QSER1: variants seen among roughly 807,000 people sequenced by gnomAD.
QSER1 encodes the protein glutamine and serine-rich protein 1.
Under a neutral mutation model 158.5 loss-of-function variants are expected in QSER1, and 49 were observed. The ratio of observed to expected loss-of-function variants is 0.31; its 90% CI spans 0.25 to 0.39. The LOEUF (loss-of-function observed/expected upper bound fraction) is 0.39. Among genes scored for constraint, QSER1 ranks in the 10% least tolerant of loss-of-function variants. The pLI is 1.00. For missense variants in QSER1, 1,754 were observed against 2,010.3 expected, an observed-to-expected ratio of 0.87 and a Z score of 2.44; for synonymous variants, 650 against 715.5, an observed-to-expected ratio of 0.91 and a Z score of 1.46.
intron 1 of QSER1, among the ~76,000 whole-genome samples, chr11:32,916,449 A>G (rs958999623): frequency 3.9e-5 from 6 of 152,158 alleles, no homozygotes; most frequent in African/African-American, 1.4e-4. Flanking sequence ...GACATTTCAT[A>G]TATAGCCATG....
At chr11:32,969,517 T>C (rs1336710319) in intron 10 of QSER1, among the ~76,000 whole-genome samples, 4 of 152,134 alleles carry the variant, frequency 2.6e-5, no homozygotes, top group African/African-American at 4.8e-5. Context: ...CTGATTTTTA[T>C]AAGGGTAGGA....
rs1370042067 is a variant in QSER1, at chr11:32,941,232, TA to T, written c.4177+5798del. On this transcript the variant is annotated intron_variant, in intron 4 of 12. Coordinates refer to ENST00000650167, the MANE Select transcript of QSER1 (RefSeq NM_001076786.3). The stretch of plus-strand genomic sequence containing the variant: ...TTGTTTTTATTATTATTATTATTAT[TA>T]TTATTTTTAATTATTATACTTTAAG... Among the ~76,000 whole-genome samples the T allele has an allele frequency of 4.2e-4, 63 of 150,206 alleles. 1 individual carries two copies. Among genetic ancestry groups the T allele is most frequent in the South Asian group, 6.3e-4 (3 of 4,796 alleles).
chr11:32,938,030 T>G (rs1852178481), intron 4 of QSER1, among the ~76,000 whole-genome samples: 1 of 152,260 alleles, frequency 6.6e-6, no homozygotes, highest in African/African-American at 2.4e-5. Flanking sequence ...TTTAATGTGT[T>G]CATTTACATT....
At chr11:32,898,805 C>T (rs775625629) in intron 1 of QSER1, among the ~76,000 whole-genome samples, 7 of 152,186 alleles carry the variant, frequency 4.6e-5, no homozygotes, top group Non-Finnish European at 5.9e-5. Flanking sequence ...AACTCTTGGC[C>T]TCAAGCAGTC....
intron 1 of QSER1, among the ~76,000 whole-genome samples, chr11:32,910,924 T>C: frequency 6.6e-6 from 1 of 152,216 alleles, no homozygotes; most frequent in East Asian, 1.9e-4. Context: ...CCACAGAACT[T>C]TGTAGCGCGA....
chr11:32,920,381 G>C (rs1183105760), intron 1 of QSER1, among the ~76,000 whole-genome samples: 1 of 152,068 alleles, frequency 6.6e-6, no homozygotes, highest in Non-Finnish European at 1.5e-5. Context: ...AATTTGAAAT[G>C]GATCTGTCAT....
At chr11:32,913,179 CTTTTT>C (rs61685246) in intron 1 of QSER1, among the ~76,000 whole-genome samples, 8 of 54,346 alleles carry the variant, frequency 1.5e-4, no homozygotes, top group African/African-American at 3.8e-4. Context: ...TCTCCTCTTC[CTTTTT>C]TTTTTTTTTT....
chr11:32,900,417 G>C (rs556322270), intron 1 of QSER1, among the ~76,000 whole-genome samples: 55 of 152,146 alleles, frequency 3.6e-4, no homozygotes, highest in Non-Finnish European at 6.2e-4. Context: ...AAATCAGCTG[G>C]GCATGGTGGC....
intron 4 of QSER1, among the ~76,000 whole-genome samples, chr11:32,940,427 T>C (rs1364509599): frequency 2.0e-5 from 3 of 152,196 alleles, no homozygotes; most frequent in Non-Finnish European, 4.4e-5. Context: ...TTTGAGATTT[T>C]TACACTTAGA....
chr11:32,963,637 C>A (rs1852669985), intron 8 of QSER1, among the ~76,000 whole-genome samples: 1 of 150,770 alleles, frequency 6.6e-6, no homozygotes, highest in Admixed American at 6.6e-5. Context: ...GTGCATGAGC[C>A]ACCGCATCCA....
At position 32,932,882 on chromosome 11, in the gene QSER1, C is replaced by G. The variant is rs963130893; in HGVS notation, c.1624C>G (p.Gln542Glu). The part of the protein sequence containing the change: ...SSVTNENYPA[Q>E]TRDLSSVSQS... ...AGTTACAAATGAGAATTACCCTGCT[C>G]AAACAAGAGATCTGTCTTCAGTAAG... The change falls in exon 4 of 13, where the codon CAA becomes GAA. Residue 542 changes from glutamine (Q) to glutamate (E), a missense_variant. Gln to Glu is a conservative substitution (Grantham distance 29, BLOSUM62 2). Around this residue, in one of 2 missense-constraint regions of QSER1, gnomAD observed 1,707 missense variants for 1,919.6 expected, o/e 0.89. Transcript: ENST00000650167. 6.2e-7 allele frequency: 1 copy of G among 1,614,068 alleles called. No homozygotes were observed. Among genetic ancestry groups the G allele is most frequent in the Non-Finnish European group, 8.5e-7 (1 of 1,179,990 alleles).
chr11:32,903,215 C>G (rs987237982), intron 1 of QSER1, among the ~76,000 whole-genome samples: 1 of 151,952 alleles, frequency 6.6e-6, no homozygotes, highest in African/African-American at 2.4e-5. Context: ...GGGACATGGG[C>G]TTATACCAGA....
intron 4 of QSER1, among the ~76,000 whole-genome samples, chr11:32,948,853 C>T (rs753490991): frequency 3.9e-5 from 6 of 151,962 alleles, no homozygotes; most frequent in Admixed American, 1.3e-4. Context: ...ATCATGTGGT[C>T]CATCTTGCTT....
At chr11:32,912,502 G>A (rs182243685) in intron 1 of QSER1, among the ~76,000 whole-genome samples, 1 of 151,934 alleles carries the variant, frequency 6.6e-6, no homozygotes, top group Non-Finnish European at 1.5e-5. Context: ...GAACTTATAG[G>A]GTCCCATGTC....
At chr11:32,951,226 T>C (rs184067893) in intron 4 of QSER1, among the ~76,000 whole-genome samples, 2 of 152,344 alleles carry the variant, frequency 1.3e-5, no homozygotes, top group South Asian at 2.1e-4. Flanking sequence ...GGCACCTTTT[T>C]TGAAAATCAT....
chr11:32,931,345 C>T (rs1307923778), intron 3 of QSER1, among the ~76,000 whole-genome samples: 4 of 151,864 alleles, frequency 2.6e-5, no homozygotes, highest in Non-Finnish European at 5.9e-5. Flanking sequence ...TTTGGTAGAC[C>T]GAGATAGGAG....
chr11:32,909,133 C>T (rs533341521), intron 1 of QSER1, among the ~76,000 whole-genome samples: 2 of 152,122 alleles, frequency 1.3e-5, no homozygotes, highest in African/African-American at 2.4e-5. Context: ...GCACTCCAGC[C>T]GGGCAACAGG....
chr11:32,956,097 G>T lies in QSER1; in HGVS notation c.4727G>T (p.Arg1576Ile). ...EYVRVCSKKP[R>I]NKPSQTIRTV... is the part of the protein sequence containing the mutation. ...GTCAGAGTGTGTTCTAAAAAGCCAA[G>T]AAATAAACCTTCACAAACTATCAGG... is the stretch of plus-strand genomic sequence containing the variant. The change falls in exon 7 of 13, where the codon AGA (arginine) becomes ATA (isoleucine). Residue 1576 changes from arginine (R) to isoleucine (I), a missense_variant. Physicochemically the swap from Arg to Ile is moderately conservative, Grantham distance 97. Coordinates refer to ENST00000650167, the MANE Select transcript of QSER1 (RefSeq NM_001076786.3). 1 of 1,611,380 alleles carries T rather than the reference G, an allele frequency of 6.2e-7. No homozygotes were observed. Among genetic ancestry groups the T allele is most frequent in the Non-Finnish European group, 8.5e-7 (1 of 1,178,624 alleles).
In QSER1 at chr11:32,893,623, T is replaced by C. The variant is rs561800608; in HGVS notation, c.209+289T>C. Among the ~76,000 whole-genome samples the C allele has an allele frequency of 1.3e-5, 2 of 152,188 alleles. No individual in the cohort carries two copies. Among genetic ancestry groups the C allele is most frequent in the African/African-American group, 2.4e-5 (1 of 41,534 alleles). ...GTCCTGGGCTCTCACATGGTGAAGT[T>C]TGGGCTCGTGGCTGAACTCGGGATC... is the stretch of plus-strand genomic sequence containing the variant. On this transcript the variant is annotated intron_variant, in intron 1 of 12. Transcript: ENST00000650167. The surrounding 1 kb of genome is among the most constrained non-coding windows in gnomAD (Gnocchi z 4.7).
Sources: gnomAD v4.1 joint callset for allele counts (sites outside exome capture counted in the v4.1 genomes callset) on GRCh38, gnomAD v4.1.1 for gene constraint, gnomAD v4.1.1 regional missense constraint, Gnocchi (gnomAD v3.1) non-coding constraint, MANE v1.5 for transcripts, NCBI Gene and HGNC (gene_info 2026-07-23, HGNC 2026-07-21) for gene names.